The following RBFOX1 variants were observed in gnomAD, a reference collection of about 807,000 sequenced individuals.
RBFOX1 encodes the protein RNA binding fox-1 homolog 1, also known as RNA binding protein fox-1 homolog 1.
In RBFOX1, 8 loss-of-function variants were observed where a neutral mutation model predicts 57.7. The observed-to-expected ratio is 0.14, with a 90% CI of 0.08 to 0.25. RBFOX1 has a LOEUF of 0.25. Ranked by LOEUF, RBFOX1 falls within the 10% of genes least tolerant of loss-of-function variation. The pLI is 1.00. For missense variants in RBFOX1, 611 were observed against 548.5 expected, an observed-to-expected ratio of 1.11 and a Z score of -1.14; for synonymous variants, 326 against 222.4, an observed-to-expected ratio of 1.47 and a Z score of -4.15.
At chr16:6,409,832 G>A (rs560413409) in intron 2 of RBFOX1, among the ~76,000 whole-genome samples, 17 of 152,194 alleles carry the variant, frequency 1.1e-4, no homozygotes, top group African/African-American at 3.6e-4. Context: ...CTCAGTTTCC[G>A]GAGATCTGAG....
intron 1 of RBFOX1, among the ~76,000 whole-genome samples, chr16:5,427,512 G>A (rs1013935004): frequency 2.0e-5 from 3 of 152,166 alleles, no homozygotes; most frequent in Admixed American, 2.0e-4. Flanking sequence ...TTGAACCTAG[G>A]AGGTGGAGGT....
chr16:5,813,291 C>G (rs933420790), intron 3 of RBFOX1, among the ~76,000 whole-genome samples: 1 of 152,188 alleles, frequency 6.6e-6, no homozygotes, highest in Non-Finnish European at 1.5e-5. Flanking sequence ...TTAAAACATA[C>G]AATTCAGTGG....
In RBFOX1 at chr16:7,487,610, T is replaced by C. The variant is rs531588065; in HGVS notation, c.28-30537T>C. On this transcript the variant is annotated intron_variant, in intron 4 of 15. Transcript: ENST00000550418. The stretch of plus-strand genomic sequence containing the variant: ...CCATGCATGAAGATAAGCAGTAGAC[T>C]ATCCACTCCTGCACCTGTTCATATA... Among the ~76,000 whole-genome samples, 5 of 152,312 alleles carry C rather than the reference T, an allele frequency of 3.3e-5. No individual in the cohort carries two copies. The South Asian group carries it at 6.2e-4, about 19-fold the overall frequency.
intron 3 of RBFOX1, among the ~76,000 whole-genome samples, chr16:6,786,558 C>T (rs1181947875): frequency 2.0e-5 from 3 of 151,970 alleles, no homozygotes; most frequent in Admixed American, 6.6e-5. Context: ...AAACAGTAAG[C>T]CAAAAAACCT....
intron 2 of RBFOX1, among the ~76,000 whole-genome samples, chr16:6,651,483 C>G (rs1401359805): frequency 6.6e-6 from 1 of 152,160 alleles, no homozygotes; most frequent in African/African-American, 2.4e-5. Flanking sequence ...ATTTGTAACC[C>G]CTGACTGCCG....
intron 5 of RBFOX1, among the ~76,000 whole-genome samples, chr16:7,545,202 T>C (rs2084089212): frequency 6.6e-6 from 1 of 152,152 alleles, no homozygotes; most frequent in African/African-American, 2.4e-5. Context: ...ACGGTTAAAG[T>C]AAAGGTTGTT....
chr16:7,674,181 G>C (rs2072529276), intron 13 of RBFOX1, among the ~76,000 whole-genome samples: 1 of 152,118 alleles, frequency 6.6e-6, no homozygotes, highest in Non-Finnish European at 1.5e-5. Context: ...AGCAAAGGAA[G>C]ACCATGCAGT....
At chr16:6,026,518 G>T (rs558871974) in intron 1 of RBFOX1, among the ~76,000 whole-genome samples, 1 of 152,332 alleles carries the variant, frequency 6.6e-6, no homozygotes, top group South Asian at 2.1e-4. Context: ...GGCCTCTTTT[G>T]CTGCCTTTGC....
intron 4 of RBFOX1, among the ~76,000 whole-genome samples, chr16:7,465,274 C>T (rs1447619238): frequency 4.6e-5 from 7 of 152,232 alleles, no homozygotes; most frequent in African/African-American, 4.8e-5. Flanking sequence ...GAAGTACACA[C>T]TCATTACAAC....
intron 2 of RBFOX1, among the ~76,000 whole-genome samples, chr16:6,607,385 T>C (rs1303897488): frequency 6.6e-6 from 1 of 152,122 alleles, no homozygotes; most frequent in Non-Finnish European, 1.5e-5. Context: ...AATTTCCAGT[T>C]ATCATAAGCA....
intron 4 of RBFOX1, among the ~76,000 whole-genome samples, chr16:5,869,649 C>T (rs1051943579): frequency 6.6e-6 from 1 of 152,106 alleles, no homozygotes; most frequent in African/African-American, 2.4e-5. Context: ...GTGATCTGCC[C>T]TCCTCGGCCT....
chr16:5,284,568 G>A (rs1283500725), intron 1 of RBFOX1, among the ~76,000 whole-genome samples: 4 of 141,796 alleles, frequency 2.8e-5, no homozygotes, highest in African/African-American at 1.0e-4. Flanking sequence ...AGGCAATGGA[G>A]TCTCACTCTG....
At chr16:6,932,376 G>A (rs1240465148) in intron 3 of RBFOX1, among the ~76,000 whole-genome samples, 1 of 152,114 alleles carries the variant, frequency 6.6e-6, no homozygotes, top group Non-Finnish European at 1.5e-5. Context: ...CTAAGTGCTG[G>A]GATTACATGC....
At chr16:6,426,083 TCC>T (rs997161484) in intron 2 of RBFOX1, among the ~76,000 whole-genome samples, 3 of 130,182 alleles carry the variant, frequency 2.3e-5, no homozygotes, top group Middle Eastern at 3.8e-3. Context: ...TCTCATTTTC[TCC>T]CTCTCTCTCT....
At chr16:5,650,698 CCTCT>C (rs2049207071) in intron 3 of RBFOX1, among the ~76,000 whole-genome samples, 1 of 151,440 alleles carries the variant, frequency 6.6e-6, no homozygotes, top group African/African-American at 2.5e-5. Flanking sequence ...AGCCTACCTT[CCTCT>C]CTCTGTCTCT....
At chr16:7,206,598 G>T (rs1460293452) in intron 4 of RBFOX1, among the ~76,000 whole-genome samples, 5 of 152,044 alleles carry the variant, frequency 3.3e-5, no homozygotes, top group Non-Finnish European at 5.9e-5. Context: ...TTTATTGCCA[G>T]TCATATCGTA....
At chr16:7,311,415 T>G (rs954503322) in intron 4 of RBFOX1, among the ~76,000 whole-genome samples, 1 of 151,644 alleles carries the variant, frequency 6.6e-6, no homozygotes, top group Non-Finnish European at 1.5e-5. Flanking sequence ...AGGATTTAAG[T>G]GACTCCAATT....
intron 4 of RBFOX1, among the ~76,000 whole-genome samples, chr16:7,206,328 GTTTGAC>G (rs1241446976): frequency 4.1e-4 from 62 of 152,082 alleles, no homozygotes; most frequent in East Asian, 5.8e-4. Context: ...CATGCAATTG[GTTTGAC>G]TTTGCCTTGC....
intron 14 of RBFOX1, among the ~76,000 whole-genome samples, chr16:7,699,597 A>T (rs1056683934): frequency 3.3e-5 from 5 of 152,204 alleles, no homozygotes; most frequent in African/African-American, 1.2e-4. Context: ...CCACACCAGG[A>T]TGAGTTGTAA....
Sources: allele counts gnomAD v4.1 joint callset (sites outside exome capture counted in the v4.1 genomes callset), GRCh38; gene constraint gnomAD v4.1.1; transcripts MANE v1.5; gene names NCBI Gene and HGNC (gene_info 2026-07-23, HGNC 2026-07-21).